RBFOX1: variants seen among roughly 807,000 people sequenced by gnomAD.
RBFOX1 encodes RNA binding fox-1 homolog 1, also known as RNA binding protein fox-1 homolog 1.
In RBFOX1, 8 loss-of-function variants were observed where a neutral mutation model predicts 57.7. The ratio of observed to expected loss-of-function variants is 0.14; its 90% CI spans 0.08 to 0.25. The LOEUF (loss-of-function observed/expected upper bound fraction) is 0.25. Among genes scored for constraint, RBFOX1 ranks in the 10% least tolerant of loss-of-function variants. The pLI is 1.00. For synonymous variants in RBFOX1, 326 were observed against 222.4 expected (o/e 1.47, Z -4.15); for missense variants, 611 against 548.5 (o/e 1.11, Z -1.14).
At chr16:5,415,840 G>C (rs1335407033) in intron 1 of RBFOX1, among the ~76,000 whole-genome samples, 1 of 152,150 alleles carries the variant, frequency 6.6e-6, no homozygotes, top group African/African-American at 2.4e-5. Flanking sequence ...TTAAGGCTAA[G>C]ACACAGGGAT....
rs572834495 is a variant in RBFOX1, at chr16:5,583,157, A to G, written c.259-15745A>G. Among the ~76,000 whole-genome samples the G allele has an allele frequency of 3.9e-5, 6 of 152,360 alleles. No homozygotes were observed. The South Asian group carries it at 1.2e-3, about 32-fold the overall frequency. On this transcript the variant is annotated intron_variant, in intron 2 of 2. Coordinates refer to the RBFOX1 transcript ENST00000585867. Reference sequence around the variant, plus strand: ...CAAATACATTCAAACAAAAAATTGTACAGCCATAGAATGCCATGCGCAGCA... The same window carrying G: ...CAAATACATTCAAACAAAAAATTGTGCAGCCATAGAATGCCATGCGCAGCA...
intron 3 of RBFOX1, among the ~76,000 whole-genome samples, chr16:5,856,181 C>CTATATA (rs1436879098): frequency 3.4e-3 from 169 of 49,976 alleles, no homozygotes; most frequent in Admixed American, 5.0e-3. Flanking sequence ...CTCTCTCTCT[C>CTATATA]TCTCTCTATA....
At chr16:6,834,332 TC>T (rs2092931143) in intron 3 of RBFOX1, among the ~76,000 whole-genome samples, 1 of 152,064 alleles carries the variant, frequency 6.6e-6, no homozygotes, top group African/African-American at 2.4e-5. Flanking sequence ...CACCTCGGCC[TC>T]CCAAATTTGC....
In RBFOX1 at chr16:5,856,604, T is replaced by TATATATAA. The variant is rs776623035; in HGVS notation, c.319-10698_319-10697insTATATAAA. Among the ~76,000 whole-genome samples the TATATATAA allele has an allele frequency of 5.0e-3, 339 of 67,960 alleles. 37 individuals carry two copies. The highest frequency in any genetic ancestry group is 0.025 in the Middle Eastern group (3 of 120). 44.6% of individuals were successfully genotyped at this position (67,960 alleles called of 152,430 possible). A position where few individuals can be genotyped will look rare whatever the true frequency, so the allele number is the denominator to read the frequency against. On this transcript the variant is annotated intron_variant, in intron 3 of 19. Coordinates refer to the RBFOX1 transcript ENST00000641259. ...ATATATATATATATATATATATATA[T>TATATATAA]AATCTTAGCCAGATCTTCTGGATAA...
chr16:7,059,892 AAG>A (rs1362240098), intron 4 of RBFOX1, among the ~76,000 whole-genome samples: 1 of 152,192 alleles, frequency 6.6e-6, no homozygotes, highest in South Asian at 2.1e-4. Flanking sequence ...CAGTAAGAAA[AAG>A]AGCTGTTTCT....
At chr16:7,131,061 C>T (rs1248100741) in intron 4 of RBFOX1, among the ~76,000 whole-genome samples, 1 of 152,150 alleles carries the variant, frequency 6.6e-6, no homozygotes, top group Non-Finnish European at 1.5e-5. Context: ...ATCATAGCTT[C>T]TGGCCGGGCA....
chr16:5,916,140 A>C (rs867756237), intron 4 of RBFOX1, among the ~76,000 whole-genome samples: 22 of 152,318 alleles, frequency 1.4e-4, no homozygotes, highest in Middle Eastern at 6.8e-3. Flanking sequence ...AGCCTGAAAC[A>C]GGAGACCAAG....
intron 2 of RBFOX1, among the ~76,000 whole-genome samples, chr16:5,555,944 C>T (rs532138504): frequency 1.5e-4 from 23 of 152,054 alleles, no homozygotes; most frequent in Non-Finnish European, 2.6e-4. Flanking sequence ...TCGCTTGAAC[C>T]CTGGAGGTGG....
intron 4 of RBFOX1, among the ~76,000 whole-genome samples, chr16:7,222,203 G>A (rs1370147463): frequency 6.6e-6 from 1 of 152,188 alleles, no homozygotes; most frequent in Non-Finnish European, 1.5e-5. Context: ...CCAGAGGGCA[G>A]GTGGTTCACA....
At chr16:6,417,036 G>A (rs1346858356) in intron 2 of RBFOX1, among the ~76,000 whole-genome samples, 1 of 151,942 alleles carries the variant, frequency 6.6e-6, no homozygotes, top group Non-Finnish European at 1.5e-5. Flanking sequence ...TTTTGAGACA[G>A]AGTCTCTCTC....
chr16:6,715,985 C>T (rs1482774026), intron 3 of RBFOX1, among the ~76,000 whole-genome samples: 4 of 148,070 alleles, frequency 2.7e-5, no homozygotes, highest in Admixed American at 2.0e-4. Context: ...TGTGCAGTGC[C>T]CAACTCTGTG....
chr16:7,219,301 A>C (rs1280168532), intron 4 of RBFOX1, among the ~76,000 whole-genome samples: 1 of 152,248 alleles, frequency 6.6e-6, no homozygotes, highest in Non-Finnish European at 1.5e-5. Context: ...ACTGTAAGAC[A>C]CAGCAAATAA....
At chr16:6,880,750 A>T (rs906384055) in intron 3 of RBFOX1, among the ~76,000 whole-genome samples, 1 of 152,164 alleles carries the variant, frequency 6.6e-6, no homozygotes, top group Non-Finnish European at 1.5e-5. Flanking sequence ...ATTGTATTTG[A>T]TTGCGTTGTA....
chr16:6,855,439 C>A (rs1026888124), intron 3 of RBFOX1, among the ~76,000 whole-genome samples: 1 of 151,946 alleles, frequency 6.6e-6, no homozygotes, highest in African/African-American at 2.4e-5. Flanking sequence ...ATCATGAGGT[C>A]AGGAGATCGA....
chr16:7,464,221 C>T (rs1444155412), intron 4 of RBFOX1, among the ~76,000 whole-genome samples: 2 of 152,154 alleles, frequency 1.3e-5, no homozygotes, highest in Admixed American at 1.3e-4. Context: ...TGTGTGTGCA[C>T]CTGTGCACCT....
intron 3 of RBFOX1, among the ~76,000 whole-genome samples, chr16:5,840,988 C>G (rs1415559724): frequency 1.3e-5 from 2 of 152,132 alleles, no homozygotes; most frequent in African/African-American, 4.8e-5. Context: ...ACTCCTACAA[C>G]AGGGGAATCA....
At chr16:7,207,354 C>T (rs564580884) in intron 4 of RBFOX1, among the ~76,000 whole-genome samples, 9 of 152,182 alleles carry the variant, frequency 5.9e-5, no homozygotes, top group Non-Finnish European at 1.0e-4. Context: ...TATTTCTCCA[C>T]TGTCCCTTCC....
chr16:6,526,848 A>C (rs1294645263), intron 2 of RBFOX1, among the ~76,000 whole-genome samples: 3 of 149,352 alleles, frequency 2.0e-5, no homozygotes, highest in African/African-American at 4.9e-5. Flanking sequence ...AAAAAAAAAA[A>C]AAAAAAAAAA....
intron 1 of RBFOX1, among the ~76,000 whole-genome samples, chr16:6,027,861 G>A (rs748866343): frequency 6.6e-6 from 1 of 152,184 alleles, no homozygotes; most frequent in African/African-American, 2.4e-5. Flanking sequence ...GCAAATGTAC[G>A]GTTGAGATCG....
Sources: gnomAD v4.1 joint callset for allele counts (sites outside exome capture counted in the v4.1 genomes callset) on GRCh38, gnomAD v4.1.1 for gene constraint, MANE v1.5 for transcripts, NCBI Gene and HGNC (gene_info 2026-07-23, HGNC 2026-07-21) for gene names.